Variants in EYS observed in about 807,000 individuals in gnomAD.
The protein encoded by EYS is EGF-like photoreceptor maintenance factor.
A neutral mutation model predicts 282.1 loss-of-function variants in EYS; 250 were observed. The ratio of observed to expected loss-of-function variants is 0.89; its 90% confidence interval spans 0.80 to 0.98. The LOEUF is 0.98. Ranked by LOEUF, EYS falls within the 50% of genes least tolerant of loss-of-function variation. The pLI is 0.00. For synonymous variants in EYS, 1,355 were observed against 1,282.9 expected (o/e 1.06, Z -1.20); for missense variants, 4,016 against 3,709.0 (o/e 1.08, Z -2.15).
intron 26 of EYS, among the ~76,000 whole-genome samples, chr6:64,530,552 G>C (rs1394455666): frequency 6.6e-6 from 1 of 151,932 alleles, no homozygotes; most frequent in African/African-American, 2.4e-5. Flanking sequence ...TAATAACTTG[G>C]AGATTTATAA....
chr6:64,003,080 G>A (rs1464661389), intron 33 of EYS, among the ~76,000 whole-genome samples: 1 of 152,106 alleles, frequency 6.6e-6, no homozygotes, highest in African/African-American at 2.4e-5. Flanking sequence ...ATAGATGAAT[G>A]GATAAAGAAA....
intron 22 of EYS, among the ~76,000 whole-genome samples, chr6:64,746,666 A>G (rs1772565395): frequency 6.6e-6 from 1 of 152,184 alleles, no homozygotes; most frequent in Non-Finnish European, 1.5e-5. Context: ...ATACCTCTTA[A>G]GCATTTTGAA....
intron 33 of EYS, among the ~76,000 whole-genome samples, chr6:64,038,836 G>T (rs1437940004): frequency 6.7e-6 from 1 of 148,776 alleles, no homozygotes; most frequent in Non-Finnish European, 1.5e-5. Context: ...ACGGAGTCTC[G>T]CTCTGTAGCC....
chr6:65,436,974 C>G (rs1001922249), intron 5 of EYS, among the ~76,000 whole-genome samples: 2 of 151,978 alleles, frequency 1.3e-5, no homozygotes, highest in Non-Finnish European at 2.9e-5. Context: ...AAAGGGAAAG[C>G]AGGTTTTAAC....
intron 26 of EYS, among the ~76,000 whole-genome samples, chr6:64,443,960 G>A (rs1213239823): frequency 2.6e-5 from 4 of 152,056 alleles, no homozygotes; most frequent in African/African-American, 7.2e-5. Context: ...CTTTCTGGAG[G>A]GCCAAAGAAG....
chr6:63,927,959 C>G (rs547454990), intron 35 of EYS, among the ~76,000 whole-genome samples: 146 of 152,294 alleles, frequency 9.6e-4, no homozygotes, highest in African/African-American at 3.2e-3. Flanking sequence ...CTTCTCTACT[C>G]TAGATTGAAG....
chr6:65,445,870 G>C (rs1465741385), intron 5 of EYS, among the ~76,000 whole-genome samples: 1 of 151,414 alleles, frequency 6.6e-6, no homozygotes, highest in African/African-American at 2.4e-5. Flanking sequence ...TAAACTATTT[G>C]TTTCCATAAT....
intron 1 of EYS, among the ~76,000 whole-genome samples, chr6:65,668,765 C>A (rs184813293): frequency 6.6e-6 from 1 of 152,028 alleles, no homozygotes; most frequent in East Asian, 1.9e-4. Context: ...ACAGACACTA[C>A]TTTGTTTTCA....
chr6:64,686,060 A>G (rs1484687786), intron 22 of EYS, among the ~76,000 whole-genome samples: 1 of 152,088 alleles, frequency 6.6e-6, no homozygotes, highest in Non-Finnish European at 1.5e-5. Context: ...AGCCAAATGA[A>G]AAAAACAAGA....
At chr6:65,357,631 A>G (rs1485454576) in intron 8 of EYS, among the ~76,000 whole-genome samples, 3 of 152,024 alleles carry the variant, frequency 2.0e-5, no homozygotes, top group Non-Finnish European at 4.4e-5. Flanking sequence ...ATATAAAACA[A>G]ATGACAATAC....
At chr6:64,851,011 TA>T (rs2150041693) in intron 19 of EYS, among the ~76,000 whole-genome samples, 1 of 152,240 alleles carries the variant, frequency 6.6e-6, no homozygotes, top group African/African-American at 2.4e-5. Context: ...CCCAGCAGTT[TA>T]AACTTGTGTA....
At chr6:64,388,295 G>T (rs2150424610) in intron 29 of EYS, among the ~76,000 whole-genome samples, 1 of 152,236 alleles carries the variant, frequency 6.6e-6, no homozygotes, top group Non-Finnish European at 1.5e-5. Flanking sequence ...AACACAGACT[G>T]GGGATGGTCT....
At chr6:64,783,836 T>C (rs2149995506) in intron 22 of EYS, among the ~76,000 whole-genome samples, 1 of 152,282 alleles carries the variant, frequency 6.6e-6, no homozygotes, top group East Asian at 1.9e-4. Flanking sequence ...CAAAAGTAGA[T>C]TCGAACTTTC....
chr6:64,260,328 G>A (rs535275168), intron 30 of EYS, among the ~76,000 whole-genome samples: 4 of 151,932 alleles, frequency 2.6e-5, no homozygotes, highest in African/African-American at 9.7e-5. Context: ...ATGCTATTTT[G>A]TTTTAACCGC....
intron 1 of EYS, among the ~76,000 whole-genome samples, chr6:65,687,418 A>G (rs1410138040): frequency 2.0e-5 from 3 of 152,096 alleles, no homozygotes; most frequent in Non-Finnish European, 2.9e-5. Flanking sequence ...TATCAAGGTC[A>G]AATAACTCCC....
chr6:64,061,369 C>A (rs1771162693), intron 33 of EYS, among the ~76,000 whole-genome samples: 1 of 152,096 alleles, frequency 6.6e-6, no homozygotes, highest in South Asian at 2.1e-4. Context: ...TTGTGAAAAC[C>A]AATAGCTCTC....
chr6:64,590,157 T>C, intron 26 of EYS, 66 bp downstream of exon 26: 2 of 1,365,142 alleles, frequency 1.5e-6, no homozygotes, highest in African/African-American at 2.9e-5. Flanking sequence ...CATGACAGGC[T>C]CTTTCTTCTC....
chr6:65,521,538 C>T (rs1390012348), intron 2 of EYS, among the ~76,000 whole-genome samples: 2 of 151,940 alleles, frequency 1.3e-5, no homozygotes, highest in Non-Finnish European at 2.9e-5. Context: ...TTAAAAAACC[C>T]CTCTATCCCA....
intron 35 of EYS, among the ~76,000 whole-genome samples, chr6:63,867,055 C>G (rs1772687343): frequency 6.6e-6 from 1 of 152,188 alleles, no homozygotes; most frequent in East Asian, 1.9e-4. Context: ...CTGCTGTTTT[C>G]TCTGCCACTT....
Sources: gnomAD v4.1 joint callset for allele counts (sites outside exome capture counted in the v4.1 genomes callset) on GRCh38, gnomAD v4.1.1 for gene constraint, MANE v1.5 for transcripts, NCBI Gene and HGNC (gene_info 2026-07-23, HGNC 2026-07-21) for gene names.